Variants in E2F3 observed in about 807,000 individuals in gnomAD.
E2F3 encodes transcription factor E2F3.
A neutral mutation model predicts 44.4 loss-of-function variants in E2F3; 11 were observed. The observed-to-expected ratio is 0.25, with a 90% confidence interval of 0.16 to 0.41. E2F3 has a LOEUF of 0.41. Ranked by LOEUF, E2F3 falls within the 10% of genes least tolerant of loss-of-function variation. E2F3 has a pLI of 1.00. For synonymous variants in E2F3, 249 were observed against 253.0 expected, an observed-to-expected ratio of 0.98 and a Z score of 0.15; for missense variants, 487 against 583.6, an observed-to-expected ratio of 0.83 and a Z score of 1.70.
At chr6:20,414,394 C>A (rs562386589) in intron 1 of E2F3, among the ~76,000 whole-genome samples, 2 of 152,182 alleles carry the variant, frequency 1.3e-5, no homozygotes, top group East Asian at 3.9e-4. Flanking sequence ...TACTGTGCAT[C>A]CAGACAGGTC....
intron 6 of E2F3, 139 bp downstream of exon 6, chr6:20,488,387 A>T: frequency 9.4e-7 from 1 of 1,067,626 alleles, no homozygotes; most frequent in Non-Finnish European, 1.3e-6. Context: ...AGACATTCTG[A>T]CTGGTTTGCA....
intron 1 of E2F3, among the ~76,000 whole-genome samples, chr6:20,476,987 G>A (rs1434306396): frequency 6.6e-6 from 1 of 152,300 alleles, no homozygotes; most frequent in East Asian, 1.9e-4. Context: ...AAGCCACATC[G>A]TAAAATATAT....
At chr6:20,484,680 T>TAAAGAATTGAAGGAA (rs1224439366) in intron 4 of E2F3, among the ~76,000 whole-genome samples, 1 of 152,220 alleles carries the variant, frequency 6.6e-6, no homozygotes, top group Non-Finnish European at 1.5e-5. Context: ...ATCTCAACTG[T>TAAAGAATTGAAGGAA]AAAGATTTGA....
chr6:20,403,311 G>T (rs1052503652), intron 1 of E2F3, among the ~76,000 whole-genome samples: 4 of 152,098 alleles, frequency 2.6e-5, no homozygotes, highest in African/African-American at 9.7e-5. Flanking sequence ...CTCTGGCCTG[G>T]GCGCATCCTG....
chr6:20,407,351 T>A (rs574925785), intron 1 of E2F3, among the ~76,000 whole-genome samples: 4 of 152,308 alleles, frequency 2.6e-5, no homozygotes, highest in South Asian at 2.1e-4. Flanking sequence ...CAAAGCACCC[T>A]TAAATATGGC....
chr6:20,421,974 C>T (rs1280299086), intron 1 of E2F3: 1 of 152,176 alleles, frequency 6.6e-6, no homozygotes, highest in Admixed American at 6.6e-5. Flanking sequence ...TTGCATTAGC[C>T]CCTAACCAAA....
chr6:20,438,042 T>TA (rs1365110248), intron 1 of E2F3: 2 of 152,352 alleles, frequency 1.3e-5, no homozygotes, highest in East Asian at 3.9e-4. Context: ...CTTTAGCCTT[T>TA]AGCACAGTGT....
At chr6:20,416,789 CTCATA>C (rs1759862113) in intron 1 of E2F3, among the ~76,000 whole-genome samples, 1 of 152,020 alleles carries the variant, frequency 6.6e-6, no homozygotes, top group Admixed American at 6.6e-5. Flanking sequence ...TAAGGTGTTG[CTCATA>C]TCATGAGATT....
chr6:20,436,386 T>G (rs998216781), intron 1 of E2F3, among the ~76,000 whole-genome samples: 3 of 152,048 alleles, frequency 2.0e-5, no homozygotes, highest in African/African-American at 7.2e-5. Context: ...CTGGGCCACG[T>G]TGGAAGAAGA....
At chr6:20,451,034 A>G (rs576300924) in intron 1 of E2F3, among the ~76,000 whole-genome samples, 23 of 152,166 alleles carry the variant, frequency 1.5e-4, no homozygotes, top group African/African-American at 5.5e-4. Flanking sequence ...CTGTGGCCCT[A>G]TAGTATAGTT....
At chr6:20,476,693 C>T (rs1317736363) in intron 1 of E2F3, among the ~76,000 whole-genome samples, 2 of 152,066 alleles carry the variant, frequency 1.3e-5, no homozygotes, top group Non-Finnish European at 1.5e-5. Flanking sequence ...GCGGTGGGGG[C>T]GGGGAGGGCA....
rs1759352012 is a variant in E2F3 at position 20,402,809 on chromosome 6, TCGG to T, written c.393+185_393+187del. The stretch of plus-strand genomic sequence containing the variant: ...AGTGCTCTTCCCGGCGCCAGGAGGG[TCGG>T]GGGGCTCGGCCAGGCGCGCGGGGCG... On this transcript the variant is annotated intron_variant, in intron 1 of 6. Transcript: ENST00000346618. The surrounding 1 kb of genome is among the most constrained non-coding windows in gnomAD (Gnocchi z 5.6). Among the ~76,000 whole-genome samples, 1 of 151,364 alleles carries T rather than the reference TCGG, an allele frequency of 6.6e-6. No individual in the cohort carries two copies. Among genetic ancestry groups the T allele is most frequent in the African/African-American group, 2.4e-5 (1 of 41,122 alleles).
intron 1 of E2F3, among the ~76,000 whole-genome samples, chr6:20,420,854 T>C (rs1477193469): frequency 6.6e-6 from 1 of 152,224 alleles, no homozygotes; most frequent in Non-Finnish European, 1.5e-5. Context: ...CTTCCTTTCA[T>C]AAAAGATTTC....
chr6:20,464,993 A>G (rs760680400), intron 1 of E2F3, among the ~76,000 whole-genome samples: 1 of 152,212 alleles, frequency 6.6e-6, no homozygotes, highest in Non-Finnish European at 1.5e-5. Context: ...TAAACATCCC[A>G]GCTTTGATCA....
Position 20,490,219 on chromosome 6 carries a change from A to G in E2F3, c.1187A>G (p.Asn396Ser), listed in dbSNP as rs1314261203. ...AGCGATTGCTCAGTTTCTATGGGAA[A>G]CCTTTCTCCTCTGGCCTCCCCAGCC... ...GHSDCSVSMG[N>S]LSPLASPANL... Residue 396 changes from asparagine to serine, a missense_variant, in exon 7 of 7, where the codon AAC becomes AGC. This residue lies in a region of E2F3 where 220 missense variants were observed against 261.7 expected (regional missense o/e 0.84). Transcript: ENST00000346618. The surrounding 1 kb of genome is among the most constrained non-coding windows in gnomAD (Gnocchi z 4.3). 6.2e-7 allele frequency: 1 copy of G among 1,613,698 alleles called. No individual in the cohort carries two copies. Among genetic ancestry groups the G allele is most frequent in the Non-Finnish European group, 8.5e-7 (1 of 1,179,908 alleles).
intron 1 of E2F3, among the ~76,000 whole-genome samples, chr6:20,472,135 G>A (rs1381516036): frequency 7.4e-6 from 1 of 135,192 alleles, no homozygotes; most frequent in Non-Finnish European, 1.6e-5. Flanking sequence ...AAGGGACTTT[G>A]GGAATTTATT....
intron 1 of E2F3, chr6:20,440,309 T>C (rs1036728984): frequency 3.9e-5 from 6 of 152,238 alleles, no homozygotes; most frequent in African/African-American, 9.6e-5. Context: ...AATTTAGTAA[T>C]GTCCACATCG....
chr6:20,466,032 C>G (rs1761692774), intron 1 of E2F3, among the ~76,000 whole-genome samples: 1 of 151,892 alleles, frequency 6.6e-6, no homozygotes, highest in Non-Finnish European at 1.5e-5. Context: ...ACACTGTTTT[C>G]CATAGGGGTT....
intron 1 of E2F3, among the ~76,000 whole-genome samples, chr6:20,465,447 T>G (rs961788286): frequency 2.0e-5 from 3 of 152,220 alleles, no homozygotes; most frequent in African/African-American, 7.2e-5. Flanking sequence ...TATTTCAGTT[T>G]CCATTTTATT....
Sources: gnomAD v4.1 joint callset for allele counts (sites outside exome capture counted in the v4.1 genomes callset) on GRCh38, gnomAD v4.1.1 for gene constraint, gnomAD v4.1.1 regional missense constraint, Gnocchi (gnomAD v3.1) non-coding constraint, MANE v1.5 for transcripts, NCBI Gene and HGNC (gene_info 2026-07-23, HGNC 2026-07-21) for gene names.